The following THAP12 variants were observed in gnomAD, a reference collection of about 807,000 sequenced individuals.
THAP12 encodes the protein 52 kDa repressor of the inhibitor of the protein kinase.
Under a neutral mutation model 63.0 loss-of-function variants are expected in THAP12, and 20 were observed. The ratio of observed to expected loss-of-function variants is 0.32; its 90% CI spans 0.22 to 0.46. THAP12 has a LOEUF of 0.46. Among genes scored for constraint, THAP12 ranks in the 20% least tolerant of loss-of-function variants. THAP12 has a pLI of 1.00. For missense variants in THAP12, 568 were observed against 908.2 expected, an observed-to-expected ratio of 0.63 and a Z score of 4.81; for synonymous variants, 264 against 328.4, an observed-to-expected ratio of 0.80 and a Z score of 2.12.
intron 4 of THAP12, 102 bp downstream of exon 4, chr11:76,355,516 C>A: frequency 9.3e-7 from 1 of 1,076,248 alleles, no homozygotes. Flanking sequence ...TACATTCATT[C>A]TCAAGGTAGG....
chr11:76,369,146 T>G (rs1036684523), intron 1 of THAP12, among the ~76,000 whole-genome samples: 2 of 152,016 alleles, frequency 1.3e-5, no homozygotes, highest in African/African-American at 4.8e-5. Context: ...AAAAAAATGC[T>G]CGATCTCATT....
chr11:76,354,415 C>T (rs1028052603), intron 4 of THAP12, among the ~76,000 whole-genome samples: 1 of 152,330 alleles, frequency 6.6e-6, no homozygotes, highest in African/African-American at 2.4e-5. Context: ...ATTATTTCTC[C>T]ACTTCCAATT....
chr11:76,379,417 T>A (rs574122110), intron 1 of THAP12, among the ~76,000 whole-genome samples: 1 of 152,188 alleles, frequency 6.6e-6, no homozygotes, highest in Non-Finnish European at 1.5e-5. Flanking sequence ...CCATAGTGCC[T>A]TCCAAGACCT....
At chr11:76,360,341 T>A (rs1946590148) in intron 3 of THAP12, among the ~76,000 whole-genome samples, 1 of 151,920 alleles carries the variant, frequency 6.6e-6, no homozygotes, top group South Asian at 2.1e-4. Context: ...TAAAGCAAAA[T>A]AAGGGCCTTG....
chr11:76,369,778 T>C (rs1047463150), intron 1 of THAP12, among the ~76,000 whole-genome samples: 1 of 152,252 alleles, frequency 6.6e-6, no homozygotes, highest in Non-Finnish European at 1.5e-5. Flanking sequence ...ACGGCACGTG[T>C]TGCCACATTT....
intron 2 of THAP12, among the ~76,000 whole-genome samples, chr11:76,365,222 T>C (rs1590803489): frequency 6.9e-6 from 1 of 143,896 alleles, no homozygotes; most frequent in Non-Finnish European, 1.5e-5. Context: ...GTGGGGGAGG[T>C]GGCAGAAGTT....
intron 1 of THAP12, among the ~76,000 whole-genome samples, chr11:76,373,343 C>CA (rs202157534): frequency 0.034 from 2,113 of 62,132 alleles, 31 homozygotes; most frequent in African/African-American, 0.073. Flanking sequence ...GACACTGTCT[C>CA]AAAAAAAAAA....
At chr11:76,364,398 A>G (rs531915228) in intron 2 of THAP12, 30 of 441,978 alleles carry the variant, frequency 6.8e-5, no homozygotes, top group Non-Finnish European at 1.2e-4. Context: ...TAACCCAATC[A>G]TTCTTTAGTT....
chr11:76,362,960 C>T lies in THAP12; in HGVS notation c.211-1897G>A, dbSNP rs1445218847. Among the ~76,000 whole-genome samples the T allele has an allele frequency of 2.6e-5, 4 of 152,092 alleles. No homozygotes were observed. In the South Asian group the frequency reaches 6.2e-4, roughly 24 times the overall value. ...GAGTTCAAGACCAGCTTAGGTAACACGGCAAAACTCCATCTCTACAAAAAA... is the reference window on the plus strand; with the variant it reads ...GAGTTCAAGACCAGCTTAGGTAACATGGCAAAACTCCATCTCTACAAAAAA... On this transcript the variant is annotated intron_variant, in intron 2 of 4. Coordinates refer to ENST00000260045, the MANE Select transcript of THAP12 (RefSeq NM_004705.4).
intron 1 of THAP12, among the ~76,000 whole-genome samples, chr11:76,379,792 G>T (rs534356618): frequency 7.2e-5 from 11 of 151,992 alleles, no homozygotes; most frequent in African/African-American, 2.7e-4. Context: ...ATGAAAGCAA[G>T]GACTTCGATT....
chr11:76,365,805 G>T, intron 2 of THAP12, 47 bp downstream of exon 2: 1 of 1,584,714 alleles, frequency 6.3e-7, no homozygotes, highest in Non-Finnish European at 8.6e-7. Context: ...CAGTGAGAGA[G>T]AGAAATCAAG....
intron 3 of THAP12, chr11:76,359,223 C>G (rs1946581064): frequency 6.6e-6 from 1 of 152,150 alleles, no homozygotes; most frequent in African/African-American, 2.4e-5. Flanking sequence ...AACAAAAGCT[C>G]TCAAAATTTT....
intron 1 of THAP12, among the ~76,000 whole-genome samples, chr11:76,370,747 G>A (rs190902071): frequency 4.3e-4 from 65 of 150,670 alleles, no homozygotes; most frequent in Non-Finnish European, 1.5e-4. Flanking sequence ...ACTTGAATCC[G>A]GGAGGTGGAG....
intron 1 of THAP12, among the ~76,000 whole-genome samples, chr11:76,380,513 G>A (rs1946747128): frequency 6.6e-6 from 1 of 152,114 alleles, no homozygotes; most frequent in Non-Finnish European, 1.5e-5. Flanking sequence ...GTTTGGGGTG[G>A]TGTCCTCCGC....
intron 1 of THAP12, among the ~76,000 whole-genome samples, chr11:76,366,549 C>T (rs756491714): frequency 1.3e-5 from 2 of 152,080 alleles, no homozygotes; most frequent in African/African-American, 2.4e-5. Context: ...GGCGAAGCGG[C>T]GAGCGCCTGT....
At position 76,380,839 on chromosome 11, in the gene THAP12, T is replaced by A; in HGVS notation, c.-3A>T. ...GGGGCAGCGCAGAAGTTCGGCATCG[T>A]CGCCCGCCCGCCGGCCGGCCCAGCC... is the stretch of plus-strand genomic sequence containing the variant. On this transcript the variant is annotated 5_prime_UTR_variant, in exon 1 of 5. Coordinates refer to ENST00000260045, the MANE Select transcript of THAP12 (RefSeq NM_004705.4). 1 of 1,398,838 alleles carries A rather than the reference T, an allele frequency of 7.1e-7. No individual in the cohort carries two copies. The highest frequency in any genetic ancestry group is 3.5e-5 in the East Asian group (1 of 28,766). The allele number at this position is 1,398,838 out of a possible 1,614,324, so 86.7% of individuals were successfully genotyped here. A position where few individuals can be genotyped will look rare whatever the true frequency, so the allele number is the denominator to read the frequency against.
chr11:76,365,885 G>A lies in THAP12; in HGVS notation c.177C>T (p.Ala59=). 1 of 1,613,220 alleles carries A rather than the reference G, an allele frequency of 6.2e-7. No homozygotes were observed. The highest frequency in any genetic ancestry group is 1.3e-5 in the African/African-American group (1 of 74,992). The change falls in exon 2 of 5, where the codon GCC becomes GCT. Residue 59 remains alanine (A), a synonymous_variant. Transcript: ENST00000260045. ...AGATCATAGAGGTCTCAAAATGTTT[G>A]GCACATAATCGATAATGTTTATTTA... is the stretch of plus-strand genomic sequence containing the variant. ...DQLNKHYRLC[A]KHFETSMICR... is the part of the protein sequence containing the mutation.
intron 1 of THAP12, among the ~76,000 whole-genome samples, chr11:76,379,506 T>A (rs1946734990): frequency 1.3e-5 from 2 of 152,188 alleles, no homozygotes; most frequent in Non-Finnish European, 2.9e-5. Context: ...CCAGTCCCTC[T>A]CCCTGGACTC....
intron 1 of THAP12, among the ~76,000 whole-genome samples, chr11:76,372,800 T>C (rs372438862): frequency 3.9e-5 from 6 of 151,922 alleles, no homozygotes; most frequent in East Asian, 1.9e-4. Flanking sequence ...GATGGGAGGA[T>C]TGTTTGAGCC....
Sources: allele counts gnomAD v4.1 joint callset (sites outside exome capture counted in the v4.1 genomes callset), GRCh38; gene constraint gnomAD v4.1.1; transcripts MANE v1.5; gene names NCBI Gene and HGNC (gene_info 2026-07-23, HGNC 2026-07-21).